The following TMEFF2 variants were observed in gnomAD, a reference collection of about 807,000 sequenced individuals.
The protein encoded by TMEFF2 is tomoregulin-2.
TMEFF2 carries 28 observed loss-of-function variants against 53.8 expected under a neutral mutation model. The ratio of observed to expected loss-of-function variants is 0.52; its 90% confidence interval spans 0.39 to 0.71. The LOEUF (loss-of-function observed/expected upper bound fraction) is 0.71, where lower values mean the gene tolerates loss of function less well. TMEFF2 is among the 30% of genes least tolerant of loss of function. The probability of loss-of-function intolerance (pLI) is 0.00; values close to 1 mark genes in which losing one functional copy is unlikely to be tolerated. For synonymous variants in TMEFF2, 162 were observed against 166.3 expected, an observed-to-expected ratio of 0.97 and a Z score of 0.20; for missense variants, 353 against 455.2, an observed-to-expected ratio of 0.78 and a Z score of 2.04.
At chr2:192,131,853 C>T (rs568554865) in intron 4 of TMEFF2, among the ~76,000 whole-genome samples, 59 of 152,248 alleles carry the variant, frequency 3.9e-4, no homozygotes, top group Admixed American at 7.8e-4. Flanking sequence ...TCCAAATAGC[C>T]GGAAAACGGC....
In TMEFF2 at chr2:192,194,602, G is replaced by T. The variant is rs1691560415; in HGVS notation, c.-78C>A. The T allele has an allele frequency of 6.5e-7, 1 of 1,530,564 alleles. No homozygotes were observed. The highest frequency in any genetic ancestry group is 1.2e-5 in the South Asian group (1 of 82,944). 94.8% of individuals were successfully genotyped at this position (1,530,564 alleles called of 1,614,324 possible). On this transcript the variant is annotated 5_prime_UTR_variant, in exon 1 of 10. Coordinates refer to ENST00000272771, the MANE Select transcript of TMEFF2 (RefSeq NM_016192.4). This position sits in a 1 kb window ranked among gnomAD's most constrained non-coding sequence, Gnocchi z 4.2. ...CGCGGGGGCCGGGCAGCGGGCTACT[G>T]AGCATCCCGCGGACGGCGGCAGCAG...
At chr2:191,952,380 A>T (rs1691912311) in intron 9 of TMEFF2, among the ~76,000 whole-genome samples, 1 of 152,202 alleles carries the variant, frequency 6.6e-6, no homozygotes, top group South Asian at 2.1e-4. Flanking sequence ...AATTGTTGAG[A>T]TTATATCCAT....
At chr2:192,187,124 C>T (rs938408693) in intron 2 of TMEFF2, among the ~76,000 whole-genome samples, 3 of 152,124 alleles carry the variant, frequency 2.0e-5, no homozygotes, top group Non-Finnish European at 2.9e-5. Flanking sequence ...AGGAAGCACG[C>T]TGTAAATCAT....
At chr2:192,185,323 CT>C (rs141085579) in intron 2 of TMEFF2, among the ~76,000 whole-genome samples, 12,679 of 151,996 alleles carry the variant, frequency 0.083, 593 homozygotes, top group South Asian at 0.1. Context: ...TGTTCTATGC[CT>C]GCTAATTACA....
intron 5 of TMEFF2, among the ~76,000 whole-genome samples, chr2:192,053,543 GTTA>G (rs1272322895): frequency 6.6e-6 from 1 of 152,166 alleles, no homozygotes; most frequent in Non-Finnish European, 1.5e-5. Flanking sequence ...TTCACATCTT[GTTA>G]TTATTTCATA....
intron 4 of TMEFF2, among the ~76,000 whole-genome samples, chr2:192,121,382 G>A (rs1222496775): frequency 6.6e-6 from 1 of 152,088 alleles, no homozygotes; most frequent in Non-Finnish European, 1.5e-5. Flanking sequence ...TACATAAAGA[G>A]CTAGAGGCAG....
chr2:192,084,774 A>T (rs1167072368), intron 4 of TMEFF2, among the ~76,000 whole-genome samples: 2 of 152,204 alleles, frequency 1.3e-5, no homozygotes, highest in African/African-American at 4.8e-5. Flanking sequence ...GCATTTTAAA[A>T]TGTGAGTGGG....
rs75876155 is a variant in TMEFF2 at position 192,017,323 on chromosome 2, T to G, written c.537-18115A>C. On this transcript the variant is annotated intron_variant, in intron 5 of 9. Transcript: ENST00000272771. The stretch of plus-strand genomic sequence containing the variant: ...TAAGGACCTTGAAGACACAGGGAGC[T>G]TTGAAGAATGGGAGCAGAAGAATGA... Among the ~76,000 whole-genome samples the G allele has an allele frequency of 1.7e-3, 266 of 152,190 alleles. 3 individuals are homozygous for G. The East Asian group carries it at 0.029, about 16-fold the overall frequency.
At chr2:191,957,667 G>A (rs930355443) in intron 7 of TMEFF2, among the ~76,000 whole-genome samples, 1 of 152,148 alleles carries the variant, frequency 6.6e-6, no homozygotes, top group African/African-American at 2.4e-5. Context: ...GATGTATAGT[G>A]CTTTCTTGTG....
At chr2:192,119,064 G>C (rs1230107650) in intron 4 of TMEFF2, among the ~76,000 whole-genome samples, 1 of 152,042 alleles carries the variant, frequency 6.6e-6, no homozygotes, top group Non-Finnish European at 1.5e-5. Context: ...GTTTCTAGAA[G>C]TCAGAAAACT....
At chr2:192,053,142 A>G (rs962729640) in intron 5 of TMEFF2, among the ~76,000 whole-genome samples, 2 of 152,226 alleles carry the variant, frequency 1.3e-5, no homozygotes, top group African/African-American at 4.8e-5. Flanking sequence ...TTTTCTCAAA[A>G]TAAAAGCATT....
At chr2:192,124,862 C>A (rs1210181554) in intron 4 of TMEFF2, among the ~76,000 whole-genome samples, 1 of 152,154 alleles carries the variant, frequency 6.6e-6, no homozygotes, top group Admixed American at 6.5e-5. Flanking sequence ...GTCCTCATTG[C>A]TCCTCTACCA....
intron 4 of TMEFF2, among the ~76,000 whole-genome samples, chr2:192,146,253 A>C (rs1215991878): frequency 6.6e-6 from 1 of 152,032 alleles, no homozygotes; most frequent in Non-Finnish European, 1.5e-5. Flanking sequence ...GCCAATAAAA[A>C]CATTGTGGAA....
intron 7 of TMEFF2, among the ~76,000 whole-genome samples, chr2:191,969,602 G>A (rs1170164296): frequency 6.6e-6 from 1 of 152,174 alleles, no homozygotes; most frequent in Non-Finnish European, 1.5e-5. Context: ...TCAAGCATAA[G>A]CAAATGTTGA....
intron 4 of TMEFF2, among the ~76,000 whole-genome samples, chr2:192,137,198 T>C: frequency 6.6e-6 from 1 of 152,152 alleles, no homozygotes; most frequent in East Asian, 1.9e-4. Flanking sequence ...GGAGGCAAGA[T>C]GAATGACACT....
chr2:191,969,901 T>TA (rs1372745662), intron 7 of TMEFF2, among the ~76,000 whole-genome samples: 1 of 152,134 alleles, frequency 6.6e-6, no homozygotes, highest in African/African-American at 2.4e-5. Context: ...AAACTGGCAA[T>TA]AAAAAAGTCA....
intron 4 of TMEFF2, among the ~76,000 whole-genome samples, chr2:192,094,145 T>C (rs907544754): frequency 6.6e-6 from 1 of 152,218 alleles, no homozygotes; most frequent in East Asian, 1.9e-4. Flanking sequence ...TATTTAAATA[T>C]GTGTTTGAAA....
chr2:191,962,634 TTGGGA>T (rs1219977359), intron 7 of TMEFF2, among the ~76,000 whole-genome samples: 11 of 152,196 alleles, frequency 7.2e-5, no homozygotes, highest in African/African-American at 2.4e-4. Flanking sequence ...CTGTAAAATC[TTGGGA>T]GAAAAACTTG....
intron 1 of TMEFF2, among the ~76,000 whole-genome samples, chr2:192,193,761 T>TAG (rs530141565): frequency 0.04 from 1,888 of 47,584 alleles, 35 homozygotes; most frequent in Admixed American, 0.057. Context: ...GATAGATAGA[T>TAG]AGAGAGAGAG....
Sources: gnomAD v4.1 joint callset for allele counts (sites outside exome capture counted in the v4.1 genomes callset) on GRCh38, gnomAD v4.1.1 for gene constraint, Gnocchi (gnomAD v3.1) non-coding constraint, MANE v1.5 for transcripts, NCBI Gene and HGNC (gene_info 2026-07-23, HGNC 2026-07-21) for gene names.